NAV2: variants seen among roughly 807,000 people sequenced by gnomAD.
NAV2 encodes the protein neuron navigator 2, also known as helicase, APC down-regulated 1.
In NAV2, 54 loss-of-function variants were observed where a neutral mutation model predicts 223.2. That is an observed-to-expected ratio of 0.24 (90% confidence interval 0.19 to 0.30). The LOEUF is 0.30. Ranked by LOEUF, NAV2 falls within the 10% of genes least tolerant of loss-of-function variation. The pLI, the probability that NAV2 is intolerant of heterozygous loss-of-function variation, is 1.00. For synonymous variants in NAV2, 1,279 were observed against 1,239.3 expected, an observed-to-expected ratio of 1.03 and a Z score of -0.67; for missense variants, 2,806 against 3,147.5, an observed-to-expected ratio of 0.89 and a Z score of 2.60.
rs530347950 is a variant in NAV2, at chr11:19,571,877, A to G, written c.75+220850A>G. Among the ~76,000 whole-genome samples the G allele has an allele frequency of 6.6e-5, 10 of 152,290 alleles. No homozygotes were observed. In the South Asian group the frequency reaches 2.1e-3, roughly 32 times the overall value. On this transcript the variant is annotated intron_variant, in intron 1 of 37. Transcript: ENST00000360655. ...ATCAGCTTTTCCCAAAGGCTGAATG[A>G]TAAGATATGTTAGGAAGTCCCAAAA...
At chr11:19,803,574 A>G (rs1248748240) in intron 1 of NAV2, among the ~76,000 whole-genome samples, 4 of 152,228 alleles carry the variant, frequency 2.6e-5, no homozygotes, top group Non-Finnish European at 5.9e-5. Context: ...CCCTGCCTCA[A>G]AGGATATTGT....
rs577974595 is a variant in NAV2, at chr11:19,958,724, C to T, written c.2645+9644C>T. On this transcript the variant is annotated intron_variant, in intron 10 of 37. Coordinates refer to ENST00000349880, the MANE Select transcript of NAV2 (RefSeq NM_145117.5). ...CCACCACTGTCACTACCAGCAGCAG[C>T]GGTGGCACCTTGAGGACATGTGAGC... Among the ~76,000 whole-genome samples, 353 of 152,302 alleles carry T rather than the reference C, an allele frequency of 2.3e-3. 1 individual carries two copies. The highest frequency in any genetic ancestry group is 7.6e-3 in the African/African-American group (316 of 41,542).
At chr11:19,806,248 T>C (rs2058555333) in intron 1 of NAV2, among the ~76,000 whole-genome samples, 1 of 152,254 alleles carries the variant, frequency 6.6e-6, no homozygotes, top group East Asian at 1.9e-4. Context: ...CCAGTGAACA[T>C]TTCATTGGAA....
At chr11:19,560,806 T>C (rs1033103560) in intron 1 of NAV2, among the ~76,000 whole-genome samples, 1 of 152,206 alleles carries the variant, frequency 6.6e-6, no homozygotes, top group Non-Finnish European at 1.5e-5. Flanking sequence ...GTAGACCAGA[T>C]AGAAGAAATG....
At chr11:19,565,842 C>T (rs1471899) in intron 1 of NAV2, among the ~76,000 whole-genome samples, 6,621 of 152,216 alleles carry the variant, frequency 0.043, 533 homozygotes, top group African/African-American at 0.15. Context: ...CTGGCTGTCT[C>T]GCCATCTAAA....
At chr11:20,095,867 C>A in intron 30 of NAV2, 100 bp downstream of exon 30, 2 of 819,924 alleles carry the variant, frequency 2.4e-6, no homozygotes, top group South Asian at 1.4e-5. Context: ...GGCCATTTCT[C>A]AGACCTGTCC....
chr11:19,892,696 C>T (rs892748150), intron 6 of NAV2, 102 bp downstream of exon 6: 34 of 1,290,946 alleles, frequency 2.6e-5, no homozygotes, highest in Non-Finnish European at 3.5e-5. Flanking sequence ...GGGGTTGCAT[C>T]TGTGTTGAGA....
intron 1 of NAV2, among the ~76,000 whole-genome samples, chr11:19,683,794 C>T (rs1290243480): frequency 6.6e-6 from 1 of 152,196 alleles, no homozygotes; most frequent in African/African-American, 2.4e-5. Context: ...AGCACAAGGA[C>T]AAGGCCACAT....
At chr11:19,999,634 G>C (rs191554207) in intron 11 of NAV2, among the ~76,000 whole-genome samples, 27 of 152,300 alleles carry the variant, frequency 1.8e-4, no homozygotes, top group Admixed American at 1.5e-3. Flanking sequence ...GCCTCCCAAA[G>C]TGCTGGGATT....
chr11:19,425,297 T>C (rs1455743495), intron 1 of NAV2, among the ~76,000 whole-genome samples: 1 of 152,236 alleles, frequency 6.6e-6, no homozygotes, highest in Non-Finnish European at 1.5e-5. Flanking sequence ...AGCCAATCCA[T>C]ATCTAAGAAG....
chr11:19,835,811 G>T, intron 2 of NAV2, among the ~76,000 whole-genome samples: 1 of 150,840 alleles, frequency 6.6e-6, no homozygotes, highest in African/African-American at 2.5e-5. Flanking sequence ...AATTTTCCCA[G>T]AATTGGAATC....
At chr11:19,653,056 G>A (rs990580569) in intron 1 of NAV2, among the ~76,000 whole-genome samples, 13 of 152,072 alleles carry the variant, frequency 8.5e-5, no homozygotes, top group Non-Finnish European at 1.8e-4. Context: ...GCAGCTTCTC[G>A]GTAGCCATCC....
Position 19,687,361 on chromosome 11 carries a change from T to C in NAV2, c.76-145123T>C, listed in dbSNP as rs560556761. Reference sequence around the variant, plus strand: ...CCCTCTCAGCCATAACCTGGTTCTGTGCTTGTTTTTACATTTAAATTTTCA... The same window carrying C: ...CCCTCTCAGCCATAACCTGGTTCTGCGCTTGTTTTTACATTTAAATTTTCA... On this transcript the variant is annotated intron_variant, in intron 1 of 37. Coordinates refer to the NAV2 transcript ENST00000360655. 2.0e-5 allele frequency among the ~76,000 whole-genome samples: 3 copies of C among 152,354 alleles called. No homozygotes were observed. In the South Asian group the frequency reaches 6.2e-4, roughly 32 times the overall value.
intron 1 of NAV2, among the ~76,000 whole-genome samples, chr11:19,644,119 T>A (rs1195637424): frequency 6.6e-6 from 1 of 152,214 alleles, no homozygotes; most frequent in Non-Finnish European, 1.5e-5. Flanking sequence ...TGAGTTTTGT[T>A]GCCCTGGAGG....
At chr11:19,947,957 C>T (rs910012929) in intron 9 of NAV2, among the ~76,000 whole-genome samples, 1 of 152,002 alleles carries the variant, frequency 6.6e-6, no homozygotes, top group Non-Finnish European at 1.5e-5. Context: ...GAGAATCCCA[C>T]CCTTAGGAAA....
rs1590030708 is a variant in NAV2 at position 19,350,881 on chromosome 11, G to A, written c.-72G>A. ...TCTGGCTGTTGCATGCATCACTTTTGTGTGGGTTATTTTGTTCCTCTGTGG... is the reference window on the plus strand; with the variant it reads ...TCTGGCTGTTGCATGCATCACTTTTATGTGGGTTATTTTGTTCCTCTGTGG... On this transcript the variant is annotated 5_prime_UTR_variant, in exon 1 of 38. Coordinates refer to the NAV2 transcript ENST00000360655. The A allele has an allele frequency of 8.2e-6, 12 of 1,469,184 alleles. No homozygotes were observed. In the South Asian group the frequency reaches 8.5e-5, roughly 10 times the overall value. 91.0% of individuals were successfully genotyped at this position (1,469,184 alleles called of 1,614,324 possible).
chr11:19,939,041 C>A (rs2046174419), intron 7 of NAV2, among the ~76,000 whole-genome samples: 1 of 152,168 alleles, frequency 6.6e-6, no homozygotes, highest in Non-Finnish European at 1.5e-5. Flanking sequence ...CTTCAATTTG[C>A]TTGACAAATA....
chr11:19,385,983 C>G (rs1432078943), intron 1 of NAV2, among the ~76,000 whole-genome samples: 1 of 152,094 alleles, frequency 6.6e-6, no homozygotes, highest in Non-Finnish European at 1.5e-5. Flanking sequence ...CCAGGATGGT[C>G]TTGATCTCCT....
intron 6 of NAV2, among the ~76,000 whole-genome samples, chr11:19,905,911 T>G (rs2042826277): frequency 6.6e-6 from 1 of 152,184 alleles, no homozygotes; most frequent in Non-Finnish European, 1.5e-5. Context: ...GCGAACCTTT[T>G]TTTGGACCCT....
Sources: allele counts gnomAD v4.1 joint callset (sites outside exome capture counted in the v4.1 genomes callset), GRCh38; gene constraint gnomAD v4.1.1; transcripts MANE v1.5; gene names NCBI Gene and HGNC (gene_info 2026-07-23, HGNC 2026-07-21).